The following B4GALT2 variants were observed in gnomAD, a reference collection of about 807,000 sequenced individuals.
The protein encoded by B4GALT2 is N-acetyllactosamine synthase.
B4GALT2 carries 18 observed loss-of-function variants against 33.2 expected under a neutral mutation model. That is an observed-to-expected ratio of 0.54 (90% CI 0.38 to 0.80). The LOEUF (loss-of-function observed/expected upper bound fraction) is 0.80, where lower values mean the gene tolerates loss of function less well. B4GALT2 is among the 30% of genes least tolerant of loss of function. The pLI is 0.00. For missense variants in B4GALT2, 404 were observed against 526.2 expected (o/e 0.77, Z 2.27); for synonymous variants, 214 against 217.6 (o/e 0.98, Z 0.15).
In B4GALT2 at chr1:43,990,622, G is replaced by C. The variant is rs771298822; in HGVS notation, c.*174G>C. Reference sequence around the variant, plus strand: ...GAAGTTTCAGAACCCACTTTGGGGGGCCTCCTGCCTGGGCAGGCTCTTCAA... The same window carrying C: ...GAAGTTTCAGAACCCACTTTGGGGGCCCTCCTGCCTGGGCAGGCTCTTCAA... On this transcript the variant is annotated 3_prime_UTR_variant, in exon 7 of 7. Coordinates refer to ENST00000372324, the MANE Select transcript of B4GALT2 (RefSeq NM_003780.5). 1 of 890,370 alleles carries C rather than the reference G, an allele frequency of 1.1e-6. No homozygotes were observed. The highest frequency in any genetic ancestry group is 2.8e-5 in the Admixed American group (1 of 35,122). The allele number at this position is 890,370 out of a possible 1,614,324, so 55.2% of individuals were successfully genotyped here. A position where few individuals can be genotyped will look rare whatever the true frequency, so the allele number is the denominator to read the frequency against.
chr1:43,981,498 C>A lies in B4GALT2; in HGVS notation c.313+25C>A. On this transcript the variant is annotated intron_variant, in intron 2 of 6. Transcript: ENST00000372324. This position sits in a 1 kb window ranked among gnomAD's most constrained non-coding sequence, Gnocchi z 8.1. ...GGTGAGCCTGGAGGGTAGGGCCTGC[C>A]TGTGGGGAAACAGGGTTTTATTGGT... 1 of 1,548,496 alleles carries A rather than the reference C, an allele frequency of 6.5e-7. No homozygotes were observed. Among genetic ancestry groups the A allele is most frequent in the South Asian group, 1.2e-5 (1 of 84,358 alleles).
At position 43,979,259 on chromosome 1, in the gene B4GALT2, C is replaced by T. The variant is rs1257155002; in HGVS notation, c.-305C>T. On this transcript the variant is annotated 5_prime_UTR_variant, in exon 1 of 7. Coordinates refer to ENST00000372324, the MANE Select transcript of B4GALT2 (RefSeq NM_003780.5). This position sits in a 1 kb window ranked among gnomAD's most constrained non-coding sequence, Gnocchi z 4.8. ...GGAGGGAGGCGGCGGCGCTGTGGTCCGTGGGTCCGCCGGTCCGTGGGTCTG... is the reference window on the plus strand; with the variant it reads ...GGAGGGAGGCGGCGGCGCTGTGGTCTGTGGGTCCGCCGGTCCGTGGGTCTG... The T allele has an allele frequency of 6.8e-6, 1 of 146,104 alleles. No homozygotes were observed. Among genetic ancestry groups the T allele is most frequent in the Non-Finnish European group, 1.5e-5 (1 of 65,594 alleles). The allele number at this position is 146,104 out of a possible 1,614,324, so 9.1% of individuals were successfully genotyped here. A position where few individuals can be genotyped will look rare whatever the true frequency, so the allele number is the denominator to read the frequency against.
Position 43,982,209 on chromosome 1 carries a change from T to C in B4GALT2, c.549+285T>C, listed in dbSNP as rs967773704. On this transcript the variant is annotated intron_variant, in intron 3 of 6. Transcript: ENST00000372324. This position sits in a 1 kb window ranked among gnomAD's most constrained non-coding sequence, Gnocchi z 4.3. ...TTGGGTATGCTGTAGGAGGAGATGT[T>C]GAGGGCCCTGAGGAGAGGGAGTTAG... Among the ~76,000 whole-genome samples, 7 of 152,070 alleles carry C rather than the reference T, an allele frequency of 4.6e-5. No individual in the cohort carries two copies. The highest frequency in any genetic ancestry group is 1.7e-4 in the African/African-American group (7 of 41,424).
Position 43,981,509 on chromosome 1 carries a change from C to T in B4GALT2, c.313+36C>T, listed in dbSNP as rs1451809641. ...AGGGTAGGGCCTGCCTGTGGGGAAA[C>T]AGGGTTTTATTGGTTTGACTAGAGA... On this transcript the variant is annotated intron_variant, in intron 2 of 6. Coordinates refer to ENST00000372324, the MANE Select transcript of B4GALT2 (RefSeq NM_003780.5). The surrounding 1 kb of genome is among the most constrained non-coding windows in gnomAD (Gnocchi z 8.1). 1 of 1,539,550 alleles carries T rather than the reference C, an allele frequency of 6.5e-7. No homozygotes were observed. Among genetic ancestry groups the T allele is most frequent in the South Asian group, 1.2e-5 (1 of 82,374 alleles).
intron 3 of B4GALT2, among the ~76,000 whole-genome samples, chr1:43,983,636 C>T (rs1237175483): frequency 6.6e-6 from 1 of 152,118 alleles, no homozygotes; most frequent in African/African-American, 2.4e-5. Context: ...AAAAAAAATC[C>T]CTGCTGAGAA....
rs551490191 is a variant in B4GALT2, at chr1:43,981,334, T to TAGCAGCAGC, written c.188_196dup (p.Ser63_Ser65dup). The TAGCAGCAGC allele has an allele frequency of 2.1e-5, 33 of 1,601,284 alleles. No individual in the cohort carries two copies. The highest frequency in any genetic ancestry group is 1.0e-4 in the Admixed American group (6 of 59,998). ...CTGCCCATGCCCTCCACCCAGCTGCTAGCAGCAGCAGCAGCAGCAGCAACT... is the reference window on the plus strand; with the variant it reads ...CTGCCCATGCCCTCCACCCAGCTGCTAGCAGCAGCAGCAGCAGCAGCAGCAGCAGCAACT... On this transcript the variant is annotated inframe_insertion, in exon 2 of 7. Transcript: ENST00000372324. This position sits in a 1 kb window ranked among gnomAD's most constrained non-coding sequence, Gnocchi z 8.1.
At chr1:43,980,532 T>C in intron 1 of B4GALT2, 1 of 994,712 alleles carries the variant, frequency 1.0e-6, no homozygotes, top group Non-Finnish European at 1.2e-6. Context: ...TGCTTGTCGC[T>C]GGGATCTGAA....
Position 43,985,269 on chromosome 1 carries a change from A to G in B4GALT2, c.741-9A>G, listed in dbSNP as rs1365203267. On this transcript the variant is annotated splice_polypyrimidine_tract_variant and intron_variant, in intron 4 of 6. Coordinates refer to ENST00000372324, the MANE Select transcript of B4GALT2 (RefSeq NM_003780.5). The stretch of plus-strand genomic sequence containing the variant: ...GACCCTTACTGACACCTGCCTTCCC[A>G]TGCCACAGGCTTCCCTATGCTGGCT... 6.2e-7 allele frequency: 1 copy of G among 1,608,350 alleles called. No homozygotes were observed. Among genetic ancestry groups the G allele is most frequent in the Admixed American group, 1.7e-5 (1 of 59,418 alleles).
intron 6 of B4GALT2, chr1:43,986,084 C>T (rs2085656253): frequency 5.7e-6 from 1 of 174,344 alleles, no homozygotes; most frequent in South Asian, 1.3e-4. Flanking sequence ...AAGACAGTGC[C>T]CACCCCTCTG....
intron 6 of B4GALT2, 104 bp downstream of exon 6, chr1:43,985,725 C>T (rs1446022230): frequency 4.7e-6 from 5 of 1,067,394 alleles, no homozygotes; most frequent in African/African-American, 4.7e-5. Context: ...TGGGGGACCT[C>T]CAAGCATCCT....
chr1:43,990,628 T>TGAAGA lies in B4GALT2; in HGVS notation c.*181_*182insAAGAG. 3.6e-6 allele frequency: 3 copies of TGAAGA among 841,092 alleles called. No individual in the cohort carries two copies. The highest frequency in any genetic ancestry group is 3.6e-6 in the Non-Finnish European group (2 of 554,932). The allele number at this position is 841,092 out of a possible 1,614,324, so 52.1% of individuals were successfully genotyped here. ...TCAGAACCCACTTTGGGGGGCCTCC[T>TGAAGA]GCCTGGGCAGGCTCTTCAAGTGTGG... On this transcript the variant is annotated 3_prime_UTR_variant, in exon 7 of 7. Coordinates refer to ENST00000372324, the MANE Select transcript of B4GALT2 (RefSeq NM_003780.5).
chr1:43,989,371 T>TAA (rs1557653667), intron 6 of B4GALT2, among the ~76,000 whole-genome samples: 1 of 150,430 alleles, frequency 6.6e-6, no homozygotes, highest in Admixed American at 6.6e-5. Flanking sequence ...AAAGGAGACT[T>TAA]TATTTCTCTT....
chr1:43,987,825 C>T (rs1297949374), intron 6 of B4GALT2, among the ~76,000 whole-genome samples: 4 of 152,166 alleles, frequency 2.6e-5, no homozygotes, highest in African/African-American at 9.7e-5. Flanking sequence ...TCCACGTGCC[C>T]CATTCAGGTT....
In B4GALT2 at chr1:43,990,718, G is replaced by T. The variant is rs914525728; in HGVS notation, c.*270G>T. 2.0e-6 allele frequency: 1 copy of T among 495,624 alleles called. No homozygotes were observed. Among genetic ancestry groups the T allele is most frequent in the Non-Finnish European group, 3.7e-6 (1 of 272,088 alleles). 30.7% of individuals were successfully genotyped at this position (495,624 alleles called of 1,614,324 possible). A position where few individuals can be genotyped will look rare whatever the true frequency, so the allele number is the denominator to read the frequency against. ...CTAGCCCAGCCCCAGTCACTGTCAG[G>T]GTCGGGCCAGCCCCTGCACTGCCTC... On this transcript the variant is annotated 3_prime_UTR_variant, in exon 7 of 7. Coordinates refer to ENST00000372324, the MANE Select transcript of B4GALT2 (RefSeq NM_003780.5).
In B4GALT2 at chr1:43,990,217, T is replaced by A. The variant is rs1040113226; in HGVS notation, c.969-81T>A. The stretch of plus-strand genomic sequence containing the variant: ...GTCCCCTTGGCCAAAAGGGGGTCCA[T>A]TTAGTTGGTTGGGGGGTGTAGGATT... On this transcript the variant is annotated intron_variant, in intron 6 of 6. Coordinates refer to ENST00000372324, the MANE Select transcript of B4GALT2 (RefSeq NM_003780.5). 3 of 1,522,108 alleles carry A rather than the reference T, an allele frequency of 2.0e-6. No homozygotes were observed. In the African/African-American group the frequency reaches 4.1e-5, roughly 21 times the overall value. 94.3% of individuals were successfully genotyped at this position (1,522,108 alleles called of 1,614,324 possible).
chr1:43,987,780 G>A (rs1050201610), intron 6 of B4GALT2, among the ~76,000 whole-genome samples: 3 of 152,128 alleles, frequency 2.0e-5, no homozygotes, highest in Admixed American at 6.5e-5. Flanking sequence ...GCCCTTGCAC[G>A]GTGTACTTGA....
Position 43,990,297 on chromosome 1 carries a change from G to C in B4GALT2, c.969-1G>C. On this transcript the variant is annotated splice_acceptor_variant, in intron 6 of 6. Transcript: ENST00000372324. LOFTEE classifies it high-confidence loss of function. Reference sequence around the variant, plus strand: ...ATGTGGACCATTTCCATCCTATCTAGGTTTACCAAGATTCAAAACACGAAG... The same window carrying C: ...ATGTGGACCATTTCCATCCTATCTACGTTTACCAAGATTCAAAACACGAAG... 1 of 1,614,132 alleles carries C rather than the reference G, an allele frequency of 6.2e-7. No homozygotes were observed.
In B4GALT2 at chr1:43,985,009, G is replaced by A. The variant is rs145863808; in HGVS notation, c.694G>A (p.Asp232Asn). ...TGACCGCAACCTATACCGCTGCGGC[G>A]ACCAACCCCGCCACTTTGCCATTGC... ...MDDRNLYRCG[D>N]QPRHFAIAMD... Residue 232 changes from aspartate to asparagine, a missense_variant, in exon 4 of 7, where the codon GAC (aspartate) becomes AAC (asparagine). Physicochemically the swap from Asp to Asn is conservative, Grantham distance 23. Transcript: ENST00000372324. 1.3e-4 allele frequency: 211 copies of A among 1,611,396 alleles called. No individual in the cohort carries two copies. Among genetic ancestry groups the A allele is most frequent in the Non-Finnish European group, 1.7e-4 (205 of 1,179,298 alleles).
Position 43,982,737 on chromosome 1 carries a change from T to G in B4GALT2, c.549+813T>G, listed in dbSNP as rs982384851. ...CTGAGAAATGTCTTGGGAGGCATGCTGGCAGTAAGTCCAGCGCAAAAGTGA... is the reference window on the plus strand; with the variant it reads ...CTGAGAAATGTCTTGGGAGGCATGCGGGCAGTAAGTCCAGCGCAAAAGTGA... On this transcript the variant is annotated intron_variant, in intron 3 of 6. Transcript: ENST00000372324. This position sits in a 1 kb window ranked among gnomAD's most constrained non-coding sequence, Gnocchi z 4.3. Among the ~76,000 whole-genome samples, 2 of 152,220 alleles carry G rather than the reference T, an allele frequency of 1.3e-5. No homozygotes were observed. The highest frequency in any genetic ancestry group is 4.8e-5 in the African/African-American group (2 of 41,454).
Sources: allele counts gnomAD v4.1 joint callset (sites outside exome capture counted in the v4.1 genomes callset), GRCh38; gene constraint gnomAD v4.1.1; non-coding constraint Gnocchi (gnomAD v3.1); transcripts MANE v1.5; gene names NCBI Gene and HGNC (gene_info 2026-07-23, HGNC 2026-07-21).